Variants in CPEB4 observed in about 807,000 individuals in gnomAD.
The protein encoded by CPEB4 is cytoplasmic polyadenylation element binding protein 4, also known as cytoplasmic polyadenylation element-binding protein 4.
Under a neutral mutation model 72.5 loss-of-function variants are expected in CPEB4, and 12 were observed. The observed-to-expected ratio is 0.17, with a 90% CI of 0.11 to 0.27. The LOEUF (loss-of-function observed/expected upper bound fraction) is 0.27. Among genes scored for constraint, CPEB4 ranks in the 10% least tolerant of loss-of-function variants. CPEB4 has a pLI of 1.00. For synonymous variants in CPEB4, 302 were observed against 326.3 expected, an observed-to-expected ratio of 0.93 and a Z score of 0.80; for missense variants, 614 against 908.5, an observed-to-expected ratio of 0.68 and a Z score of 4.17.
intron 1 of CPEB4, among the ~76,000 whole-genome samples, chr5:173,894,480 G>A (rs1348237052): frequency 1.3e-5 from 2 of 151,738 alleles, no homozygotes; most frequent in African/African-American, 4.8e-5. Context: ...AATTAGCTGG[G>A]CGTGGTGGTG....
At position 173,889,888 on chromosome 5, in the gene CPEB4, A is replaced by G. The variant is rs777989913; in HGVS notation, c.155A>G (p.Asn52Ser). The G allele has an allele frequency of 7.4e-6, 12 of 1,614,122 alleles. No homozygotes were observed. The highest frequency in any genetic ancestry group is 4.5e-5 in the East Asian group (2 of 44,882). The part of the protein sequence containing the change: ...AAFINNNTAA[N>S]GSSAGSAWLF... ...TTTATAAATAATAACACAGCTGCCA[A>G]TGGCAGCAGTGCTGGGTCAGCTTGG... Residue 52 changes from asparagine to serine, a missense_variant, in exon 1 of 10, where the codon AAT becomes AGT. By Grantham distance (46) the Asn-to-Ser change is conservative (BLOSUM62 1). Coordinates refer to ENST00000265085, the MANE Select transcript of CPEB4 (RefSeq NM_030627.4).
rs1581162364 is a variant in CPEB4 at position 173,943,182 on chromosome 5, T to C, written c.1282+133T>C. The C allele has an allele frequency of 3.6e-6, 3 of 824,160 alleles. No individual in the cohort carries two copies. In the East Asian group the frequency reaches 8.1e-5, roughly 22 times the overall value. 51.1% of individuals were successfully genotyped at this position (824,160 alleles called of 1,614,324 possible). A position where few individuals can be genotyped will look rare whatever the true frequency, so the allele number is the denominator to read the frequency against. On this transcript the variant is annotated intron_variant, in intron 4 of 9. Transcript: ENST00000265085. ...CTTTGATCCTTAGGTAATTTTTGTG[T>C]TACAGTTAACATTTTAGACATAATT...
At chr5:173,919,130 G>C (rs1165770436) in intron 2 of CPEB4, among the ~76,000 whole-genome samples, 1 of 151,814 alleles carries the variant, frequency 6.6e-6, no homozygotes, top group Non-Finnish European at 1.5e-5. Context: ...ATACATTCAG[G>C]GCAGGGATTT....
chr5:173,950,009 T>G lies in CPEB4; in HGVS notation c.1596T>G (p.Ile532Met). ...FQDESSVQAL[I>M]DACIEEDGKL... Reference sequence around the variant, plus strand: ...ATGAAAGCTCTGTGCAGGCTCTCATTGATGCATGCATTGAAGAAGATGGAA... The same window carrying G: ...ATGAAAGCTCTGTGCAGGCTCTCATGGATGCATGCATTGAAGAAGATGGAA... Residue 532 changes from isoleucine (I) to methionine (M), a missense_variant, in exon 7 of 10, where the codon ATT becomes ATG. Physicochemically the swap from Ile to Met is conservative, Grantham distance 10. Coordinates refer to ENST00000265085, the MANE Select transcript of CPEB4 (RefSeq NM_030627.4). The surrounding 1 kb of genome is among the most constrained non-coding windows in gnomAD (Gnocchi z 5.0). The G allele has an allele frequency of 1.9e-6, 3 of 1,612,646 alleles. No homozygotes were observed. The highest frequency in any genetic ancestry group is 2.5e-6 in the Non-Finnish European group (3 of 1,179,416).
intron 3 of CPEB4, among the ~76,000 whole-genome samples, chr5:173,939,742 A>G (rs115592299): frequency 0.02 from 2,863 of 140,874 alleles, 98 homozygotes; most frequent in African/African-American, 0.073. Context: ...TATGGCCATA[A>G]TATTTTGAGC....
At chr5:173,943,270 A>G (rs1239624791) in intron 4 of CPEB4, among the ~76,000 whole-genome samples, 2 of 152,208 alleles carry the variant, frequency 1.3e-5, no homozygotes, top group African/African-American at 2.4e-5. Flanking sequence ...TTGAATCAAA[A>G]TGATTTCCCT....
At position 173,890,471 on chromosome 5, in the gene CPEB4, T is replaced by C. The variant is rs1273435129; in HGVS notation, c.738T>C (p.His246=). ...HPHFQHHHSQ[H]QQQRRSPASP... Reference sequence around the variant, plus strand: ...ATTTCCAGCATCATCACAGCCAGCATCAGCAGCAAAGGAGGTCTCCTGCCA... The same window carrying C: ...ATTTCCAGCATCATCACAGCCAGCACCAGCAGCAAAGGAGGTCTCCTGCCA... Residue 246 remains histidine, a synonymous_variant, in exon 1 of 10, where the codon CAT becomes CAC. Transcript: ENST00000265085. 1.2e-6 allele frequency: 2 copies of C among 1,612,000 alleles called. No homozygotes were observed. Among genetic ancestry groups the C allele is most frequent in the African/African-American group, 1.3e-5 (1 of 75,004 alleles).
At position 173,898,955 on chromosome 5, in the gene CPEB4, C is replaced by T. The variant is rs550165506; in HGVS notation, c.1125+8097C>T. 3.3e-5 allele frequency among the ~76,000 whole-genome samples: 5 copies of T among 152,288 alleles called. No homozygotes were observed. The South Asian group carries it at 6.2e-4, about 19-fold the overall frequency. ...TGCTGGGATTATAGGCGTGAGCCAC[C>T]GCACCTGGCCTGAACTTAATTTTAA... On this transcript the variant is annotated intron_variant, in intron 1 of 9. Coordinates refer to ENST00000265085, the MANE Select transcript of CPEB4 (RefSeq NM_030627.4).
chr5:173,928,387 A>G (rs62376957), intron 2 of CPEB4, among the ~76,000 whole-genome samples: 17,310 of 152,176 alleles, frequency 0.11, 1,141 homozygotes, highest in Middle Eastern at 0.21. Flanking sequence ...GGGGTAAGCT[A>G]TGCATATGTG....
rs996394862 is a variant in CPEB4, at chr5:173,957,171, C to A, written c.*1034C>A. The A allele has an allele frequency of 6.5e-6, 1 of 152,756 alleles. No homozygotes were observed. Among genetic ancestry groups the A allele is most frequent in the Non-Finnish European group, 1.5e-5 (1 of 68,022 alleles). The allele number at this position is 152,756 out of a possible 1,614,324, so 9.5% of individuals were successfully genotyped here. ...AGATCTAGAGATACCTCAAGGATAT[C>A]ATTTTTGATTTTGTGTTACAGTACA... On this transcript the variant is annotated 3_prime_UTR_variant, in exon 10 of 10. Coordinates refer to ENST00000265085, the MANE Select transcript of CPEB4 (RefSeq NM_030627.4).
chr5:173,957,246 T>C lies in CPEB4; in HGVS notation c.*1109T>C, dbSNP rs1280060536. The C allele has an allele frequency of 1.3e-5, 2 of 152,738 alleles. No individual in the cohort carries two copies. The highest frequency in any genetic ancestry group is 4.8e-5 in the African/African-American group (2 of 41,446). The allele number at this position is 152,738 out of a possible 1,614,324, so 9.5% of individuals were successfully genotyped here. On this transcript the variant is annotated 3_prime_UTR_variant, in exon 10 of 10. Transcript: ENST00000265085. ...AACCAATATATAATTTGGCTGCTGA[T>C]TGGCTTACTTTTAGATTTAAAGTTA...
intron 6 of CPEB4, 35 bp from the exon 7 acceptor site, chr5:173,949,924 GA>G (rs557040040): frequency 1.4e-6 from 2 of 1,418,590 alleles, no homozygotes; most frequent in South Asian, 2.4e-5. Flanking sequence ...CAAAAAATAG[GA>G]AAACATGTAA....
Position 173,945,018 on chromosome 5 carries a change from G to A in CPEB4, c.1334G>A (p.Gly445Glu). ...GATGGATTCTTGGATGATGGCCGTG[G>A]GGATCAGCCTCTTCATAGTGGCCTG... is the stretch of plus-strand genomic sequence containing the variant. The part of the protein sequence containing the change: ...MEDGFLDDGR[G>E]DQPLHSGLGS... The change falls in exon 5 of 10, where the codon GGG becomes GAG. Residue 445 changes from glycine to glutamate, a missense_variant. Coordinates refer to ENST00000265085, the MANE Select transcript of CPEB4 (RefSeq NM_030627.4). 1 of 1,613,928 alleles carries A rather than the reference G, an allele frequency of 6.2e-7. No individual in the cohort carries two copies. Among genetic ancestry groups the A allele is most frequent in the Non-Finnish European group, 8.5e-7 (1 of 1,179,872 alleles).
At chr5:173,928,473 A>G (rs1757327059) in intron 2 of CPEB4, among the ~76,000 whole-genome samples, 1 of 152,206 alleles carries the variant, frequency 6.6e-6, no homozygotes, top group Admixed American at 6.5e-5. Context: ...TAAAAAAATG[A>G]CGTTTATATA....
chr5:173,911,096 T>C (rs1156412142), intron 2 of CPEB4, among the ~76,000 whole-genome samples: 1 of 152,094 alleles, frequency 6.6e-6, no homozygotes, highest in Admixed American at 6.5e-5. Context: ...AAAAATACTG[T>C]TTCTACATGG....
intron 1 of CPEB4, among the ~76,000 whole-genome samples, chr5:173,898,041 G>A (rs2113134729): frequency 6.6e-6 from 1 of 152,284 alleles, no homozygotes; most frequent in Middle Eastern, 3.4e-3. Flanking sequence ...AAAGCTTTAA[G>A]CTGTACAAGC....
At chr5:173,892,073 A>G (rs1047292352) in intron 1 of CPEB4, among the ~76,000 whole-genome samples, 11 of 152,090 alleles carry the variant, frequency 7.2e-5, no homozygotes, top group Non-Finnish European at 1.5e-4. Context: ...TATTTCTGCA[A>G]AGGCTGAAAC....
At position 173,960,122 on chromosome 5, in the gene CPEB4, C is replaced by T. The variant is rs904005255; in HGVS notation, c.*3985C>T. On this transcript the variant is annotated 3_prime_UTR_variant, in exon 10 of 10. Transcript: ENST00000265085. ...ATTAAAGTCATTTTCACGTTAAGTT[C>T]CTATTTTTGTATGTTCTACTCTTAA... is the stretch of plus-strand genomic sequence containing the variant. 5.2e-5 allele frequency: 8 copies of T among 152,502 alleles called. No individual in the cohort carries two copies. Among genetic ancestry groups the T allele is most frequent in the African/African-American group, 1.9e-4 (8 of 41,378 alleles). The allele number at this position is 152,502 out of a possible 1,614,324, so 9.4% of individuals were successfully genotyped here. A position where few individuals can be genotyped will look rare whatever the true frequency, so the allele number is the denominator to read the frequency against.
At chr5:173,947,370 C>G (rs540905690) in intron 5 of CPEB4, among the ~76,000 whole-genome samples, 118 of 152,038 alleles carry the variant, frequency 7.8e-4, no homozygotes, top group African/African-American at 2.6e-3. Context: ...GAAGAGGTCT[C>G]AAGTGGAGGG....
Sources: allele counts gnomAD v4.1 joint callset (sites outside exome capture counted in the v4.1 genomes callset), GRCh38; gene constraint gnomAD v4.1.1; non-coding constraint Gnocchi (gnomAD v3.1); transcripts MANE v1.5; gene names NCBI Gene and HGNC (gene_info 2026-07-23, HGNC 2026-07-21).